CCDC88A: variants seen among roughly 807,000 people sequenced by gnomAD.
CCDC88A encodes coiled-coil and HOOK domain protein 88A, also known as girdin.
CCDC88A carries 54 observed loss-of-function variants against 234.3 expected under a neutral mutation model. That is an observed-to-expected ratio of 0.23 (90% confidence interval 0.19 to 0.29). CCDC88A has a LOEUF of 0.29. Among genes scored for constraint, CCDC88A ranks in the 10% least tolerant of loss-of-function variants. CCDC88A has a pLI of 1.00. For missense variants in CCDC88A, 1,832 were observed against 2,123.4 expected, an observed-to-expected ratio of 0.86 and a Z score of 2.70; for synonymous variants, 753 against 737.8, an observed-to-expected ratio of 1.02 and a Z score of -0.33.
At chr2:55,346,371 T>A in intron 9 of CCDC88A, 38 bp from the exon 10 acceptor site, 1 of 1,177,540 alleles carries the variant, frequency 8.5e-7, no homozygotes, top group Non-Finnish European at 1.2e-6. Flanking sequence ...AATTATTTTC[T>A]GTTATCAACT....
chr2:55,412,099 C>T (rs773247019), intron 2 of CCDC88A, among the ~76,000 whole-genome samples: 1 of 152,180 alleles, frequency 6.6e-6, no homozygotes, highest in Non-Finnish European at 1.5e-5. Flanking sequence ...GCTATCTTCA[C>T]TTATTCCTTC....
chr2:55,298,203 C>G (rs1002334059), intron 29 of CCDC88A, among the ~76,000 whole-genome samples: 15 of 151,866 alleles, frequency 9.9e-5, no homozygotes, highest in African/African-American at 3.6e-4. Context: ...TTCCCAGTCA[C>G]AGAGAGTAAA....
At chr2:55,319,819 A>C (rs982335219) in intron 18 of CCDC88A, among the ~76,000 whole-genome samples, 1 of 152,178 alleles carries the variant, frequency 6.6e-6, no homozygotes, top group Admixed American at 6.5e-5. Context: ...ACAACAGCAA[A>C]GTATAAACAA....
chr2:55,289,393 G>T lies in CCDC88A; in HGVS notation c.*1807C>A, dbSNP rs146503316. 1.4e-3 allele frequency: 221 copies of T among 152,630 alleles called. No individual in the cohort carries two copies. Among genetic ancestry groups the T allele is most frequent in the African/African-American group, 5.1e-3 (212 of 41,544 alleles). 9.5% of individuals were successfully genotyped at this position (152,630 alleles called of 1,614,324 possible). On this transcript the variant is annotated 3_prime_UTR_variant, in exon 33 of 33. Transcript: ENST00000436346. The stretch of plus-strand genomic sequence containing the variant: ...AATGTACATTTTTTGACATGCAATT[G>T]TCTCTAGACTGCTCTGATACCTATT...
chr2:55,341,303 C>T (rs910507187), intron 12 of CCDC88A, among the ~76,000 whole-genome samples: 4 of 151,574 alleles, frequency 2.6e-5, no homozygotes, highest in African/African-American at 9.7e-5. Flanking sequence ...CGCCACCACG[C>T]TCAGCAAATT....
At chr2:55,350,996 A>C (rs1398014472) in intron 8 of CCDC88A, among the ~76,000 whole-genome samples, 1 of 152,226 alleles carries the variant, frequency 6.6e-6, no homozygotes, top group Non-Finnish European at 1.5e-5. Context: ...CCTTTGCTAG[A>C]GAAACCATAC....
chr2:55,344,622 T>A, intron 10 of CCDC88A, 108 bp from the exon 11 acceptor site: 1 of 546,992 alleles, frequency 1.8e-6, no homozygotes, highest in Non-Finnish European at 3.0e-6. Flanking sequence ...GTTCTATGCA[T>A]GAGGAAACCT....
At chr2:55,312,411 G>A (rs769071215) in intron 23 of CCDC88A, 23 bp downstream of exon 23, 15 of 1,600,962 alleles carry the variant, frequency 9.4e-6, no homozygotes, top group Non-Finnish European at 1.1e-5. Flanking sequence ...ATATTTCAGA[G>A]TGCAAAATTA....
chr2:55,395,262 G>A (rs1262707454), intron 2 of CCDC88A, among the ~76,000 whole-genome samples: 1 of 152,176 alleles, frequency 6.6e-6, no homozygotes, highest in African/African-American at 2.4e-5. Flanking sequence ...TCAGGCACAA[G>A]CCACAGCACA....
At chr2:55,392,759 A>C (rs1050974157) in intron 2 of CCDC88A, among the ~76,000 whole-genome samples, 1 of 152,142 alleles carries the variant, frequency 6.6e-6, no homozygotes, top group Non-Finnish European at 1.5e-5. Flanking sequence ...CCATACTGAT[A>C]ATCAATTGTG....
chr2:55,315,901 C>T, intron 22 of CCDC88A, 27 bp downstream of exon 22: 1 of 1,346,658 alleles, frequency 7.4e-7, no homozygotes, highest in Non-Finnish European at 1.0e-6. Context: ...AAATGAAGGA[C>T]ACAGTGATTA....
chr2:55,346,608 T>C (rs1669143086), intron 9 of CCDC88A, among the ~76,000 whole-genome samples: 3 of 152,104 alleles, frequency 2.0e-5, no homozygotes, highest in East Asian at 1.9e-4. Context: ...TTAGTAGAGA[T>C]GGAGTTTCGT....
chr2:55,302,311 G>A (rs1392049689), intron 26 of CCDC88A, among the ~76,000 whole-genome samples: 3 of 152,134 alleles, frequency 2.0e-5, no homozygotes, highest in African/African-American at 7.2e-5. Context: ...AAAAGACAGA[G>A]AAAGGAATTT....
chr2:55,345,900 G>C (rs932193364), intron 10 of CCDC88A: 1 of 242,292 alleles, frequency 4.1e-6, no homozygotes, highest in Non-Finnish European at 7.8e-6. Context: ...TTGACTACAA[G>C]GGAAGGACTT....
Position 55,332,294 on chromosome 2 carries a change from G to T in CCDC88A, c.2855+272C>A. ...CCACCATGCCCAGCTAATTTTTTTT[G>T]TATTTTTAGTAAAGACAGGGTTTCC... On this transcript the variant is annotated intron_variant, in intron 16 of 32. Transcript: ENST00000436346. This position sits in a 1 kb window ranked among gnomAD's most constrained non-coding sequence, Gnocchi z 4.5. The T allele has an allele frequency of 5.0e-6, 1 of 200,216 alleles. No individual in the cohort carries two copies. The highest frequency in any genetic ancestry group is 9.4e-6 in the Non-Finnish European group (1 of 106,206). The allele number at this position is 200,216 out of a possible 1,614,324, so 12.4% of individuals were successfully genotyped here.
At chr2:55,374,080 T>C (rs1321193099) in intron 4 of CCDC88A, among the ~76,000 whole-genome samples, 1 of 152,102 alleles carries the variant, frequency 6.6e-6, no homozygotes, top group East Asian at 1.9e-4. Context: ...TAATATAAAT[T>C]AAAACATATC....
chr2:55,353,273 T>C (rs1343519358), intron 8 of CCDC88A, among the ~76,000 whole-genome samples: 1 of 152,184 alleles, frequency 6.6e-6, no homozygotes, highest in Non-Finnish European at 1.5e-5. Context: ...CGGTTCTAAT[T>C]GCATGCTTTA....
At chr2:55,293,987 C>T (rs1679742363) in intron 31 of CCDC88A, 1 of 147,792 alleles carries the variant, frequency 6.8e-6, no homozygotes, top group Non-Finnish European at 1.5e-5. Context: ...TAGAAACATA[C>T]TTGTTTAAAT....
At chr2:55,308,670 TAC>T (rs1681951711) in intron 25 of CCDC88A, 137 bp downstream of exon 25, 1 of 650,484 alleles carries the variant, frequency 1.5e-6, no homozygotes, top group South Asian at 2.0e-5. Context: ...ACTAATGCAG[TAC>T]ACAATTAATT....
Sources: allele counts gnomAD v4.1 joint callset (sites outside exome capture counted in the v4.1 genomes callset), GRCh38; gene constraint gnomAD v4.1.1; non-coding constraint Gnocchi (gnomAD v3.1); transcripts MANE v1.5; gene names NCBI Gene and HGNC (gene_info 2026-07-23, HGNC 2026-07-21).